Variants in MRPL21 observed in about 807,000 individuals in gnomAD.
MRPL21 encodes the protein large ribosomal subunit protein bL21m.
A neutral mutation model predicts 27.3 loss-of-function variants in MRPL21; 20 were observed. The ratio of observed to expected loss-of-function variants is 0.73; its 90% confidence interval spans 0.52 to 1.06. The LOEUF (loss-of-function observed/expected upper bound fraction) is 1.06. Among genes scored for constraint, MRPL21 ranks in the 50% least tolerant of loss-of-function variants. The pLI, the probability that MRPL21 is intolerant of heterozygous loss-of-function variation, is 0.00. For synonymous variants in MRPL21, 98 were observed against 101.5 expected (o/e 0.97, Z 0.21); for missense variants, 249 against 251.4 (o/e 0.99, Z 0.06).
chr11:68,891,929 C>A, intron 6 of MRPL21: 1 of 563,940 alleles, frequency 1.8e-6, no homozygotes, highest in Non-Finnish European at 2.8e-6. Context: ...CCTCAGGATG[C>A]CCACTATGGG....
At chr11:68,893,992 C>T (rs957907624) in intron 4 of MRPL21, among the ~76,000 whole-genome samples, 2 of 152,052 alleles carry the variant, frequency 1.3e-5, no homozygotes, top group Non-Finnish European at 2.9e-5. Context: ...CACCACTGCA[C>T]TCCAGCCTGG....
rs773153554 is a variant in MRPL21, at chr11:68,898,090, C to G, written c.147-78G>C. On this transcript the variant is annotated intron_variant, in intron 2 of 6. Coordinates refer to ENST00000362034, the MANE Select transcript of MRPL21 (RefSeq NM_181514.2). ...AAATCCTCTAAGAAATGGCCACACA[C>G]AAATGTTAGGAAGGGATCCCCGGCA... 3.2e-5 allele frequency: 38 copies of G among 1,186,176 alleles called. 1 individual carries two copies. Among genetic ancestry groups the G allele is most frequent in the Non-Finnish European group, 4.4e-5 (35 of 800,826 alleles). The allele number at this position is 1,186,176 out of a possible 1,614,324, so 73.5% of individuals were successfully genotyped here.
intron 4 of MRPL21, among the ~76,000 whole-genome samples, 164 bp from the exon 5 acceptor site, chr11:68,893,619 C>T (rs865942639): frequency 2.6e-5 from 4 of 152,186 alleles, no homozygotes; most frequent in Non-Finnish European, 2.9e-5. Context: ...TATCTACAAC[C>T]GGGGCTGTGA....
intron 6 of MRPL21, chr11:68,891,999 G>T: frequency 2.0e-6 from 2 of 1,001,542 alleles, no homozygotes; most frequent in Non-Finnish European, 1.3e-6. Context: ...ATTCACTGCT[G>T]CTTTGGGGAC....
rs572791990 is a variant in MRPL21, at chr11:68,903,530, C to T, written c.88+193G>A. Among the ~76,000 whole-genome samples, 11 of 152,346 alleles carry T rather than the reference C, an allele frequency of 7.2e-5. 1 individual carries two copies. In the South Asian group the frequency reaches 2.3e-3, roughly 32 times the overall value. On this transcript the variant is annotated intron_variant, in intron 1 of 6. Transcript: ENST00000362034. ...TATACCAAAGTTCAAGGGCTATTGT[C>T]AGTATTCAGGCTACTAACTGAAGGA... is the stretch of plus-strand genomic sequence containing the variant.
chr11:68,900,967 A>T (rs1351376165), intron 1 of MRPL21, among the ~76,000 whole-genome samples: 1 of 152,176 alleles, frequency 6.6e-6, no homozygotes, highest in Non-Finnish European at 1.5e-5. Context: ...TACCCCTGTT[A>T]GCCCCCTGGG....
chr11:68,893,017 T>C, intron 5 of MRPL21, 24 bp from the exon 6 acceptor site: 1 of 1,529,092 alleles, frequency 6.5e-7, no homozygotes, highest in Non-Finnish European at 8.8e-7. Context: ...AAATCAACAA[T>C]AATGTACCTT....
chr11:68,897,676 A>G, intron 3 of MRPL21: 2 of 550,772 alleles, frequency 3.6e-6, no homozygotes, highest in Non-Finnish European at 6.5e-6. Flanking sequence ...GACGAGATGG[A>G]GCAGGGGCCC....
intron 2 of MRPL21, 108 bp downstream of exon 2, chr11:68,900,440 G>C: frequency 1.9e-6 from 2 of 1,063,422 alleles, no homozygotes; most frequent in East Asian, 2.4e-5. Flanking sequence ...AAACAAAAGA[G>C]GAAATTTAAA....
In MRPL21 at chr11:68,897,942, T is replaced by A. The variant is rs371624461; in HGVS notation, c.217A>T (p.Thr73Ser). 1 of 1,613,986 alleles carries A rather than the reference T, an allele frequency of 6.2e-7. No homozygotes were observed. Among genetic ancestry groups the A allele is most frequent in the South Asian group, 1.1e-5 (1 of 91,060 alleles). Reference protein sequence around the residue: ...EVVLPDPVEETRHHAEVVKKV... With the variant: ...EVVLPDPVEESRHHAEVVKKV... ...GAGGTCTTACCTGCATGGTGTCTGG[T>A]CTCCTCAACTGGGTCTGGCAGAACA... is the stretch of plus-strand genomic sequence containing the variant. Residue 73 changes from threonine (T) to serine (S), a missense_variant, in exon 3 of 7, where the codon ACC (threonine) becomes TCC (serine). Coordinates refer to ENST00000362034, the MANE Select transcript of MRPL21 (RefSeq NM_181514.2).
chr11:68,900,719 T>G (rs1857914815), intron 1 of MRPL21, 114 bp from the exon 2 acceptor site: 2 of 903,654 alleles, frequency 2.2e-6, no homozygotes, highest in African/African-American at 3.3e-5. Context: ...AACCACTGCA[T>G]GACAGCCTGC....
In MRPL21 at chr11:68,903,734, C is replaced by T; in HGVS notation, c.77G>A (p.Gly26Glu). ...ATCCCAGGTCTCACCTGCTCCGGGC[C>T]CCGAAGGTCTCAGGATGCTGTGGCT... Reference protein sequence around the residue: ...ACSHSILRPSGPGAASLWSAS... With the variant: ...ACSHSILRPSEPGAASLWSAS... The change falls in exon 1 of 7, where the codon GGG (glycine) becomes GAG (glutamate). Residue 26 changes from glycine to glutamate, a missense_variant. Gly to Glu is a moderately conservative substitution (Grantham distance 98, BLOSUM62 -2). Transcript: ENST00000362034. The T allele has an allele frequency of 4.3e-6, 7 of 1,613,326 alleles. No individual in the cohort carries two copies. Among genetic ancestry groups the T allele is most frequent in the South Asian group, 1.1e-5 (1 of 91,090 alleles).
chr11:68,895,844 G>T (rs1857773529), intron 4 of MRPL21, among the ~76,000 whole-genome samples: 1 of 151,974 alleles, frequency 6.6e-6, no homozygotes, highest in Admixed American at 6.6e-5. Context: ...TAATTGTTTG[G>T]AATTTTAGTA....
At chr11:68,897,776 T>C (rs973190078) in intron 3 of MRPL21, 151 bp downstream of exon 3, 2 of 611,054 alleles carry the variant, frequency 3.3e-6, no homozygotes, top group Non-Finnish European at 6.0e-6. Flanking sequence ...TGTTAACTGG[T>C]GAAAATGGAC....
chr11:68,891,576 T>C (rs1857647858), intron 6 of MRPL21, 181 bp from the exon 7 acceptor site: 1 of 656,560 alleles, frequency 1.5e-6, no homozygotes, highest in Non-Finnish European at 2.7e-6. Flanking sequence ...GTTCACTCTG[T>C]TGGCAGGTGC....
chr11:68,893,948 C>G (rs1030630171), intron 4 of MRPL21, among the ~76,000 whole-genome samples: 2 of 152,148 alleles, frequency 1.3e-5, no homozygotes, highest in Admixed American at 6.6e-5. Context: ...GCGGCATGCA[C>G]CTGTAGTCCC....
At chr11:68,891,593 T>C (rs1050299792) in intron 6 of MRPL21, 198 bp from the exon 7 acceptor site, 3 of 623,038 alleles carry the variant, frequency 4.8e-6, no homozygotes, top group Non-Finnish European at 8.7e-6. Context: ...GTGCAGAGGC[T>C]GGGACACCAG....
At position 68,900,548 on chromosome 11, in the gene MRPL21, C is replaced by T. The variant is rs763482916; in HGVS notation, c.146G>A (p.Gly49Glu). The T allele has an allele frequency of 1.2e-6, 2 of 1,613,544 alleles. No homozygotes were observed. The highest frequency in any genetic ancestry group is 2.2e-5 in the South Asian group (2 of 91,014). The change falls in exon 2 of 7, where the codon GGA becomes GAA. Residue 49 changes from glycine (G) to glutamate (E), a missense_variant and splice_region_variant. By Grantham distance (98) the Gly-to-Glu change is moderately conservative. Coordinates refer to ENST00000362034, the MANE Select transcript of MRPL21 (RefSeq NM_181514.2). ...FNSQSTSYLP[G>E]YVPKTSLSSP... is the part of the protein sequence containing the mutation. ...ACCAAAACCCACATTTTGATATTAC[C>T]CTGGTAGATATGAAGTGCTCTGTGA...
chr11:68,897,091 A>G (rs1857811077), intron 3 of MRPL21, among the ~76,000 whole-genome samples: 1 of 152,168 alleles, frequency 6.6e-6, no homozygotes, highest in Admixed American at 6.5e-5. Flanking sequence ...AAACCCCAGG[A>G]AGCGAAAGGA....
Sources: gnomAD v4.1 joint callset for allele counts (sites outside exome capture counted in the v4.1 genomes callset) on GRCh38, gnomAD v4.1.1 for gene constraint, MANE v1.5 for transcripts, NCBI Gene and HGNC (gene_info 2026-07-23, HGNC 2026-07-21) for gene names.